Variants in PTPRM observed in about 807,000 individuals in gnomAD.
PTPRM encodes protein tyrosine phosphatase receptor type M.
A neutral mutation model predicts 186.7 loss-of-function variants in PTPRM; 47 were observed. The observed-to-expected ratio is 0.25, with a 90% CI of 0.20 to 0.32. The LOEUF is 0.32. Ranked by LOEUF, PTPRM falls within the 10% of genes least tolerant of loss-of-function variation. PTPRM has a pLI of 1.00. For missense variants in PTPRM, 1,494 were observed against 1,865.0 expected (o/e 0.80, Z 3.66); for synonymous variants, 668 against 674.9 (o/e 0.99, Z 0.16).
At chr18:7,848,094 A>G (rs2046686553) in intron 2 of PTPRM, among the ~76,000 whole-genome samples, 1 of 152,244 alleles carries the variant, frequency 6.6e-6, no homozygotes, top group Non-Finnish European at 1.5e-5. Flanking sequence ...GCCCATAGTC[A>G]CATTGCATTT....
chr18:7,613,343 C>T (rs906603902), intron 1 of PTPRM, among the ~76,000 whole-genome samples: 6 of 152,116 alleles, frequency 3.9e-5, no homozygotes, highest in Admixed American at 6.5e-5. Context: ...ACAGTAGATG[C>T]TCAATAATGA....
At chr18:7,984,249 C>T (rs926058303) in intron 7 of PTPRM, among the ~76,000 whole-genome samples, 1 of 151,994 alleles carries the variant, frequency 6.6e-6, no homozygotes, top group African/African-American at 2.4e-5. Context: ...ACCACCACAT[C>T]CGTTTTCTTA....
intron 1 of PTPRM, among the ~76,000 whole-genome samples, chr18:7,761,775 C>T (rs1194579211): frequency 2.0e-5 from 3 of 152,148 alleles, no homozygotes; most frequent in African/African-American, 4.8e-5. Context: ...TAGTGCCTGA[C>T]ATCATGCCTG....
intron 30 of PTPRM, among the ~76,000 whole-genome samples, chr18:8,386,511 C>T (rs1367769317): frequency 6.6e-6 from 1 of 152,180 alleles, no homozygotes; most frequent in East Asian, 1.9e-4. Context: ...GTGATTTAGC[C>T]GTGGCCAGAT....
In PTPRM at chr18:7,752,930, A is replaced by G. The variant is rs532106391; in HGVS notation, c.74-21219A>G. ...AATCTATTTCTTTTTATTTTTTGTA[A>G]GTATTCTTTCTGTCTAACCCCTCTT... On this transcript the variant is annotated intron_variant, in intron 1 of 32. Transcript: ENST00000580170. Among the ~76,000 whole-genome samples, 6 of 152,134 alleles carry G rather than the reference A, an allele frequency of 3.9e-5. No homozygotes were observed. The South Asian group carries it at 1.2e-3, about 32-fold the overall frequency.
chr18:7,602,396 A>AT (rs1448195291), intron 1 of PTPRM, among the ~76,000 whole-genome samples: 3 of 150,386 alleles, frequency 2.0e-5, no homozygotes, highest in Non-Finnish European at 4.4e-5. Flanking sequence ...AACATTAGAT[A>AT]TTTGGGTTAT....
Position 8,171,660 on chromosome 18 carries a change from A to G in PTPRM, c.2300+27881A>G, listed in dbSNP as rs981882238. Among the ~76,000 whole-genome samples, 5 of 152,194 alleles carry G rather than the reference A, an allele frequency of 3.3e-5. No individual in the cohort carries two copies. In the East Asian group the frequency reaches 5.8e-4, roughly 18 times the overall value. On this transcript the variant is annotated intron_variant, in intron 14 of 32. Transcript: ENST00000580170. ...ATCCAGAAAAATTGTCTGAATCTGG[A>G]GAAAGCTAAATAGAGGCTGAGATTT...
At chr18:7,920,567 A>G (rs990416887) in intron 4 of PTPRM, among the ~76,000 whole-genome samples, 1 of 152,180 alleles carries the variant, frequency 6.6e-6, no homozygotes, top group Non-Finnish European at 1.5e-5. Context: ...ACAGGTTACC[A>G]TACCTATTAC....
At chr18:7,867,737 G>A (rs2047783954) in intron 2 of PTPRM, among the ~76,000 whole-genome samples, 1 of 152,184 alleles carries the variant, frequency 6.6e-6, no homozygotes, top group African/African-American at 2.4e-5. Flanking sequence ...GAATTTCAAT[G>A]TTGGCCTGTC....
intron 2 of PTPRM, among the ~76,000 whole-genome samples, chr18:7,783,785 T>C (rs898670977): frequency 6.6e-5 from 10 of 151,794 alleles, no homozygotes; most frequent in Non-Finnish European, 1.2e-4. Flanking sequence ...TGTGTGTGTG[T>C]GTGTAGAGAC....
chr18:8,294,599 C>G (rs1302472393), intron 19 of PTPRM, among the ~76,000 whole-genome samples: 6 of 152,092 alleles, frequency 3.9e-5, no homozygotes, highest in Non-Finnish European at 8.8e-5. Flanking sequence ...GGGGACACAG[C>G]CAAACCATAT....
rs761463764 is a variant in PTPRM at position 8,376,450 on chromosome 18, C to T, written c.3327-12C>T. ...CTTCTTCCTCCACTGACAGACCCCC[C>T]TTTTCATTCAGTGCTGGTGCAGGGA... is the stretch of plus-strand genomic sequence containing the variant. On this transcript the variant is annotated splice_polypyrimidine_tract_variant and intron_variant, in intron 25 of 32. Transcript: ENST00000580170. 4.3e-6 allele frequency: 7 copies of T among 1,614,012 alleles called. No individual in the cohort carries two copies. Among genetic ancestry groups the T allele is most frequent in the African/African-American group, 1.3e-5 (1 of 74,912 alleles).
chr18:7,674,783 T>C (rs927565567), intron 1 of PTPRM, among the ~76,000 whole-genome samples: 1 of 152,236 alleles, frequency 6.6e-6, no homozygotes, highest in African/African-American at 2.4e-5. Context: ...AATTAGTTAA[T>C]ACACATAGTG....
intron 24 of PTPRM, among the ~76,000 whole-genome samples, chr18:8,373,522 A>G (rs575801110): frequency 2.6e-4 from 39 of 152,316 alleles, no homozygotes; most frequent in African/African-American, 2.9e-4. Flanking sequence ...ATCCCTGACT[A>G]TTCTGGGAGA....
chr18:7,955,002 CTCA>C (rs1252892565), intron 6 of PTPRM, 116 bp from the exon 7 acceptor site: 12 of 1,094,590 alleles, frequency 1.1e-5, no homozygotes, highest in African/African-American at 1.6e-5. Flanking sequence ...CAAAATTTTT[CTCA>C]TCAATTTATT....
At chr18:8,068,634 G>T (rs1378158581) in intron 7 of PTPRM, among the ~76,000 whole-genome samples, 1 of 152,128 alleles carries the variant, frequency 6.6e-6, no homozygotes, top group Non-Finnish European at 1.5e-5. Context: ...CTTTAGCATT[G>T]ATTGTGTGGA....
chr18:8,278,176 G>C (rs949867642), intron 19 of PTPRM, among the ~76,000 whole-genome samples: 1 of 152,160 alleles, frequency 6.6e-6, no homozygotes, highest in Admixed American at 6.5e-5. Flanking sequence ...GACATGCCTG[G>C]CATCTTTGTA....
chr18:7,700,524 T>C (rs916409998), intron 1 of PTPRM, among the ~76,000 whole-genome samples: 4 of 152,210 alleles, frequency 2.6e-5, no homozygotes, highest in African/African-American at 9.7e-5. Flanking sequence ...GGATTTGGAA[T>C]TGAATTTTTC....
chr18:8,218,561 A>G (rs1303874451), intron 14 of PTPRM, among the ~76,000 whole-genome samples: 1 of 152,182 alleles, frequency 6.6e-6, no homozygotes, highest in Admixed American at 6.5e-5. Context: ...GTGGTTTTGA[A>G]TAAACAGCAG....
Sources: allele counts gnomAD v4.1 joint callset (sites outside exome capture counted in the v4.1 genomes callset), GRCh38; gene constraint gnomAD v4.1.1; transcripts MANE v1.5; gene names NCBI Gene and HGNC (gene_info 2026-07-23, HGNC 2026-07-21).